TMCC1: variants seen among roughly 807,000 people sequenced by gnomAD.
TMCC1 encodes transmembrane and coiled-coil domains protein 1.
TMCC1 carries 15 observed loss-of-function variants against 52.4 expected under a neutral mutation model. The ratio of observed to expected loss-of-function variants is 0.29; its 90% CI spans 0.19 to 0.44. TMCC1 has a LOEUF of 0.44. Ranked by LOEUF, TMCC1 falls within the 20% of genes least tolerant of loss-of-function variation. The pLI, the probability that TMCC1 is intolerant of heterozygous loss-of-function variation, is 1.00. For missense variants in TMCC1, 503 were observed against 806.0 expected (o/e 0.62, Z 4.55); for synonymous variants, 279 against 301.9 (o/e 0.92, Z 0.79).
chr3:129,811,042 A>G (rs1272869555), intron 4 of TMCC1, among the ~76,000 whole-genome samples: 1 of 152,194 alleles, frequency 6.6e-6, no homozygotes, highest in Non-Finnish European at 1.5e-5. Flanking sequence ...AGTTTTTTTA[A>G]TTAATAAACC....
intron 5 of TMCC1, among the ~76,000 whole-genome samples, chr3:129,655,907 CAG>C (rs2086638534): frequency 6.6e-6 from 1 of 152,038 alleles, no homozygotes; most frequent in Admixed American, 6.5e-5. Flanking sequence ...AGGATGAGAT[CAG>C]AGATTCTAGG....
Position 129,647,905 on chromosome 3 carries a change from GATCT to G in TMCC1, c.*3572_*3575del, listed in dbSNP as rs1031593251. On this transcript the variant is annotated 3_prime_UTR_variant, in exon 7 of 7. Transcript: ENST00000393238. ...TCTCTCTCAACAATTAGCAGCTTAA[GATCT>G]ATCAACTACAGTGTTAACGTTCACA... 7 of 152,656 alleles carry G rather than the reference GATCT, an allele frequency of 4.6e-5. No individual in the cohort carries two copies. Among genetic ancestry groups the G allele is most frequent in the Non-Finnish European group, 1.0e-4 (7 of 68,040 alleles). 9.5% of individuals were successfully genotyped at this position (152,656 alleles called of 1,614,324 possible). A position where few individuals can be genotyped will look rare whatever the true frequency, so the allele number is the denominator to read the frequency against.
At chr3:129,659,094 C>CTT (rs902362203) in intron 5 of TMCC1, among the ~76,000 whole-genome samples, 47 of 129,998 alleles carry the variant, frequency 3.6e-4, no homozygotes, top group African/African-American at 1.1e-3. Context: ...TTCTTTCTTT[C>CTT]TTTTTTTTTT....
intron 4 of TMCC1, among the ~76,000 whole-genome samples, chr3:129,767,449 T>C (rs1576762792): frequency 6.6e-6 from 1 of 152,132 alleles, no homozygotes; most frequent in East Asian, 1.9e-4. Flanking sequence ...GATAGCTTGC[T>C]GCAGTTTTGA....
At chr3:129,735,169 G>C (rs1218863173) in intron 4 of TMCC1, among the ~76,000 whole-genome samples, 11 of 152,000 alleles carry the variant, frequency 7.2e-5, no homozygotes, top group Admixed American at 2.6e-4. Flanking sequence ...CCAAAGTGTT[G>C]GGATTACAGG....
chr3:129,770,242 G>A (rs1314683486), intron 4 of TMCC1, among the ~76,000 whole-genome samples: 4 of 152,192 alleles, frequency 2.6e-5, no homozygotes, highest in Admixed American at 6.5e-5. Context: ...TCAGCTGGAT[G>A]CAGTGGCTCA....
intron 4 of TMCC1, among the ~76,000 whole-genome samples, chr3:129,700,626 G>A (rs2047751246): frequency 6.6e-6 from 1 of 151,978 alleles, no homozygotes; most frequent in Non-Finnish European, 1.5e-5. Flanking sequence ...GCAGGTGCAC[G>A]CCACCATGCC....
intron 5 of TMCC1, among the ~76,000 whole-genome samples, chr3:129,666,095 ATC>A (rs2087428354): frequency 1.3e-5 from 2 of 152,224 alleles, no homozygotes; most frequent in Admixed American, 6.5e-5. Context: ...TCACAGAAGG[ATC>A]TGTGAAGTCC....
At chr3:129,766,007 G>T (rs2054097481) in intron 4 of TMCC1, among the ~76,000 whole-genome samples, 1 of 152,120 alleles carries the variant, frequency 6.6e-6, no homozygotes, top group African/African-American at 2.4e-5. Flanking sequence ...AGCCCAATTT[G>T]TTTGGGACTG....
At chr3:129,779,256 T>C (rs1018634562) in intron 4 of TMCC1, among the ~76,000 whole-genome samples, 8 of 152,290 alleles carry the variant, frequency 5.3e-5, no homozygotes, top group African/African-American at 1.9e-4. Context: ...CTAGTCAGCA[T>C]TGCAAAATTA....
Position 129,828,820 on chromosome 3 carries a change from C to T in TMCC1, c.-130-312G>A, listed in dbSNP as rs1388514205. ...ATTAGAGGAGCCATCTTGGAATGGA[C>T]ACTATAATGGTAGTTGACAGAACAG... On this transcript the variant is annotated intron_variant, in intron 3 of 6. Coordinates refer to ENST00000393238, the MANE Select transcript of TMCC1 (RefSeq NM_001017395.5). This position sits in a 1 kb window ranked among gnomAD's most constrained non-coding sequence, Gnocchi z 4.1. Among the ~76,000 whole-genome samples the T allele has an allele frequency of 6.6e-6, 1 of 152,198 alleles. No individual in the cohort carries two copies. Among genetic ancestry groups the T allele is most frequent in the Non-Finnish European group, 1.5e-5 (1 of 68,030 alleles).
intron 4 of TMCC1, among the ~76,000 whole-genome samples, chr3:129,676,139 AAGC>A: frequency 6.6e-6 from 1 of 152,052 alleles, no homozygotes; most frequent in Non-Finnish European, 1.5e-5. Flanking sequence ...AGGATGAGGA[AAGC>A]AGCAGCAGTC....
chr3:129,706,575 C>G (rs916635866), intron 4 of TMCC1, among the ~76,000 whole-genome samples: 2 of 152,100 alleles, frequency 1.3e-5, no homozygotes, highest in Non-Finnish European at 2.9e-5. Context: ...AGAGAAGAAA[C>G]CCTGTACTGA....
At chr3:129,864,996 C>A (rs911183932) in intron 2 of TMCC1, among the ~76,000 whole-genome samples, 2 of 152,174 alleles carry the variant, frequency 1.3e-5, no homozygotes, top group Non-Finnish European at 2.9e-5. Flanking sequence ...TTGGACCCAA[C>A]AAACACAAAA....
intron 4 of TMCC1, among the ~76,000 whole-genome samples, chr3:129,756,935 T>C (rs973132796): frequency 6.6e-6 from 1 of 152,166 alleles, no homozygotes; most frequent in Non-Finnish European, 1.5e-5. Context: ...TGTCATAAAT[T>C]TGTTTAATAT....
In TMCC1 at chr3:129,650,751, T is replaced by C. The variant is rs893552125; in HGVS notation, c.*730A>G. 6.6e-6 allele frequency: 1 copy of C among 152,584 alleles called. No homozygotes were observed. The highest frequency in any genetic ancestry group is 1.5e-5 in the Non-Finnish European group (1 of 68,032). 9.5% of individuals were successfully genotyped at this position (152,584 alleles called of 1,614,324 possible). A position where few individuals can be genotyped will look rare whatever the true frequency, so the allele number is the denominator to read the frequency against. ...ATTTTTAGGTTGGTAACTATACACATATAAAAAAACCTTAAAAGTGCGGCC... is the reference window on the plus strand; with the variant it reads ...ATTTTTAGGTTGGTAACTATACACACATAAAAAAACCTTAAAAGTGCGGCC... On this transcript the variant is annotated 3_prime_UTR_variant, in exon 7 of 7. Coordinates refer to ENST00000393238, the MANE Select transcript of TMCC1 (RefSeq NM_001017395.5).
intron 1 of TMCC1, among the ~76,000 whole-genome samples, chr3:129,887,062 G>A (rs1183611882): frequency 3.9e-5 from 6 of 152,316 alleles, no homozygotes; most frequent in South Asian, 4.1e-4. Flanking sequence ...GGAACAAAGA[G>A]AGGGACTGCT....
At chr3:129,691,878 C>A (rs1362685852) in intron 4 of TMCC1, among the ~76,000 whole-genome samples, 1 of 152,070 alleles carries the variant, frequency 6.6e-6, no homozygotes, top group Non-Finnish European at 1.5e-5. Flanking sequence ...ATTAAAGGAC[C>A]TCGGATCTCA....
At chr3:129,775,380 C>T (rs1302005778) in intron 4 of TMCC1, among the ~76,000 whole-genome samples, 1 of 152,020 alleles carries the variant, frequency 6.6e-6, no homozygotes, top group Non-Finnish European at 1.5e-5. Context: ...GGTGGGAGGA[C>T]TGTCTGAGCC....
Sources: allele counts gnomAD v4.1 joint callset (sites outside exome capture counted in the v4.1 genomes callset), GRCh38; gene constraint gnomAD v4.1.1; non-coding constraint Gnocchi (gnomAD v3.1); transcripts MANE v1.5; gene names NCBI Gene and HGNC (gene_info 2026-07-23, HGNC 2026-07-21).